The following MAN2B1 variants were observed in gnomAD, a reference collection of about 807,000 sequenced individuals.
MAN2B1 encodes lysosomal alpha-mannosidase.
A neutral mutation model predicts 127.5 loss-of-function variants in MAN2B1; 99 were observed. That is an observed-to-expected ratio of 0.78 (90% CI 0.66 to 0.92). The LOEUF (loss-of-function observed/expected upper bound fraction) is 0.92, where lower values mean the gene tolerates loss of function less well. MAN2B1 is among the 40% of genes least tolerant of loss of function. The pLI, the probability that MAN2B1 is intolerant of heterozygous loss-of-function variation, is 0.00. For missense variants in MAN2B1, 1,304 were observed against 1,384.8 expected (o/e 0.94, Z 0.93); for synonymous variants, 573 against 568.8 (o/e 1.01, Z -0.11).
intron 4 of MAN2B1, among the ~76,000 whole-genome samples, chr19:12,664,539 G>A (rs2024181097): frequency 6.6e-6 from 1 of 152,182 alleles, no homozygotes; most frequent in Non-Finnish European, 1.5e-5. Flanking sequence ...GGTGGGGCCA[G>A]AACACCAAGA....
chr19:12,655,407 G>A (rs535209695), intron 14 of MAN2B1, among the ~76,000 whole-genome samples: 2 of 152,170 alleles, frequency 1.3e-5, no homozygotes, highest in South Asian at 2.1e-4. Flanking sequence ...CACCTTTATC[G>A]GGAACACCTT....
chr19:12,663,826 C>G lies in MAN2B1; in HGVS notation c.640G>C (p.Asp214His), dbSNP rs777610043. Reference protein sequence around the residue: ...QASLFAQMGFDGFFFGRLDYQ... With the variant: ...QASLFAQMGFHGFFFGRLDYQ... Reference sequence around the variant, plus strand: ...TCAAGGCGCCCAAAGAAGAAGCCGTCGAAGCCCATCTGGGGATGAGGGAGG... The same window carrying G: ...TCAAGGCGCCCAAAGAAGAAGCCGTGGAAGCCCATCTGGGGATGAGGGAGG... The change falls in exon 5 of 24, where the codon GAC becomes CAC. Residue 214 changes from aspartate (D) to histidine (H), a missense_variant. Physicochemically the swap from Asp to His is moderately conservative, Grantham distance 81 (BLOSUM62 -1). Coordinates refer to ENST00000456935, the MANE Select transcript of MAN2B1 (RefSeq NM_000528.4). 2 of 1,614,054 alleles carry G rather than the reference C, an allele frequency of 1.2e-6. No homozygotes were observed. Among genetic ancestry groups the G allele is most frequent in the African/African-American group, 2.7e-5 (2 of 74,926 alleles).
intron 16 of MAN2B1, among the ~76,000 whole-genome samples, chr19:12,650,516 A>G (rs1291710317): frequency 2.1e-5 from 3 of 144,402 alleles, no homozygotes; most frequent in African/African-American, 5.2e-5. Flanking sequence ...CCGCCACCAC[A>G]CCCGGCTAAT....
intron 3 of MAN2B1, 128 bp downstream of exon 3, chr19:12,665,224 G>C (rs878936648): frequency 1.6e-6 from 2 of 1,245,602 alleles, no homozygotes; most frequent in South Asian, 2.4e-5. Flanking sequence ...CAAATGGAGA[G>C]TCCAGGCAGG....
At chr19:12,649,577 C>T (rs1276005569) in intron 18 of MAN2B1, 149 bp from the exon 19 acceptor site, 1 of 639,746 alleles carries the variant, frequency 1.6e-6, no homozygotes, top group Non-Finnish European at 2.7e-6. Context: ...CGCCTCCCGG[C>T]TTCACGCCAT....
chr19:12,660,574 A>G (rs989731188), intron 7 of MAN2B1, among the ~76,000 whole-genome samples: 6 of 152,156 alleles, frequency 3.9e-5, no homozygotes, highest in Non-Finnish European at 7.4e-5. Context: ...TGATTACAGA[A>G]ACAGGGTCAG....
chr19:12,656,526 TG>T, intron 13 of MAN2B1, 44 bp downstream of exon 13: 1 of 1,409,206 alleles, frequency 7.1e-7, no homozygotes, highest in Non-Finnish European at 1.0e-6. Context: ...AAATGCCCAC[TG>T]GGGGAGGAGT....
At position 12,647,100 on chromosome 19, in the gene MAN2B1, TG is replaced by T; in HGVS notation, c.2923+132del. 3 of 835,420 alleles carry T rather than the reference TG, an allele frequency of 3.6e-6. No individual in the cohort carries two copies. Among genetic ancestry groups the T allele is most frequent in the Non-Finnish European group, 4.0e-6 (2 of 496,526 alleles). 51.8% of individuals were successfully genotyped at this position (835,420 alleles called of 1,614,324 possible). ...TTTCAGATCCTTTAAGCCCCTAACC[TG>T]GGTCTGGACTCTGCCCCATACCCTC... On this transcript the variant is annotated intron_variant, in intron 23 of 23. Transcript: ENST00000456935. The surrounding 1 kb of genome is among the most constrained non-coding windows in gnomAD (Gnocchi z 4.9).
At chr19:12,648,075 G>A in intron 21 of MAN2B1, 100 bp downstream of exon 21, 1 of 1,260,034 alleles carries the variant, frequency 7.9e-7, no homozygotes, top group Non-Finnish European at 1.1e-6. Context: ...GCTAATTATG[G>A]CCAAATGGAT....
chr19:12,656,159 A>T, intron 13 of MAN2B1: 1 of 431,250 alleles, frequency 2.3e-6, no homozygotes, highest in East Asian at 4.2e-5. Context: ...GGGGAGGAAG[A>T]GGTTTGGGGG....
Position 12,649,959 on chromosome 19 carries a change from C to T in MAN2B1, c.2221G>A (p.Gly741Arg), listed in dbSNP as rs61234887. ...SRFDTPLETK[G>R]RFYTDSNGRE... is the part of the protein sequence containing the mutation. ...CCATTGCTGTCTGTGTAGAAGCGTC[C>T]CTTTGTCTCCAGCGGTGTGTCAAAA... Residue 741 changes from glycine to arginine, a missense_variant, in exon 18 of 24, where the codon GGA (glycine) becomes AGA (arginine). Transcript: ENST00000456935. The T allele has an allele frequency of 3.2e-3, 5,154 of 1,613,858 alleles. 140 individuals are homozygous for T. The African/African-American group carries it at 0.058, about 18-fold the overall frequency.
At chr19:12,661,215 C>A in intron 7 of MAN2B1, 45 bp downstream of exon 7, 1 of 1,380,006 alleles carries the variant, frequency 7.2e-7, no homozygotes, top group East Asian at 2.3e-5. Flanking sequence ...CCCCCGGATG[C>A]AAGCGCACAT....
Position 12,657,434 on chromosome 19 carries a change from C to T in MAN2B1, c.1419+12G>A, listed in dbSNP as rs755497429. The T allele has an allele frequency of 1.8e-5, 28 of 1,546,644 alleles. No homozygotes were observed. In the East Asian group the frequency reaches 6.8e-4, roughly 38 times the overall value. On this transcript the variant is annotated intron_variant, in intron 11 of 23. Transcript: ENST00000456935. ...CTCCACCCCCGTGTCTCCCAAGTCTCGCCCCGCGCACCTCGCAAGGCCCCC... is the reference window on the plus strand; with the variant it reads ...CTCCACCCCCGTGTCTCCCAAGTCTTGCCCCGCGCACCTCGCAAGGCCCCC...
chr19:12,656,593 T>C lies in MAN2B1; in HGVS notation c.1622A>G (p.Asn541Ser), dbSNP rs564296108. ...SEGVFVVKDPNGRTVPSDVVI... is the reference protein window; with the variant it reads ...SEGVFVVKDPSGRTVPSDVVI... ...CACATCGCTGGGCACTGTCCTGCCA[T>C]TGGGGTCCTTCACAACGAAAACGCC... Residue 541 changes from asparagine to serine, a missense_variant, in exon 13 of 24, where the codon AAT becomes AGT. Asn to Ser is a conservative substitution (Grantham distance 46, BLOSUM62 1). Coordinates refer to ENST00000456935, the MANE Select transcript of MAN2B1 (RefSeq NM_000528.4). The C allele has an allele frequency of 1.4e-5, 22 of 1,613,538 alleles. No homozygotes were observed. In the African/African-American group the frequency reaches 1.5e-4, roughly 11 times the overall value.
Position 12,663,857 on chromosome 19 carries a change from G to T in MAN2B1, c.631-22C>A, listed in dbSNP as rs1277699485. The T allele has an allele frequency of 5.9e-5, 96 of 1,613,918 alleles. No individual in the cohort carries two copies. The Admixed American group carries it at 1.6e-3, about 27-fold the overall frequency. ...CCATCTGGGGATGAGGGAGGAAAAG[G>T]CAGTGTGAATTAGTGCCCAGCCCTC... On this transcript the variant is annotated intron_variant, in intron 4 of 23. Transcript: ENST00000456935.
In MAN2B1 at chr19:12,656,675, C is replaced by T. The variant is rs759767616; in HGVS notation, c.1540G>A (p.Val514Ile). 64 of 1,612,790 alleles carry T rather than the reference C, an allele frequency of 4.0e-5. No individual in the cohort carries two copies. Among genetic ancestry groups the T allele is most frequent in the African/African-American group, 6.7e-5 (5 of 74,868 alleles). ...ACCTTCCGCCCCAGGGGATTATAAACGATGACCTGGAACTGGGGAGGCGGG... is the reference window on the plus strand; with the variant it reads ...ACCTTCCGCCCCAGGGGATTATAAATGATGACCTGGAACTGGGGAGGCGGG... ...SQTAARFQVI[V>I]YNPLGRKVNW... Residue 514 changes from valine to isoleucine, a missense_variant, in exon 13 of 24, where the codon GTT becomes ATT. By Grantham distance (29) the Val-to-Ile change is conservative (BLOSUM62 3). Coordinates refer to ENST00000456935, the MANE Select transcript of MAN2B1 (RefSeq NM_000528.4).
chr19:12,653,150 T>G (rs576809674), intron 14 of MAN2B1, among the ~76,000 whole-genome samples: 5 of 149,858 alleles, frequency 3.3e-5, no homozygotes, highest in South Asian at 2.1e-4. Context: ...TTTTGTTTTT[T>G]TTTTTTTTTT....
At chr19:12,661,879 C>G (rs1026583349) in intron 6 of MAN2B1, among the ~76,000 whole-genome samples, 9 of 151,542 alleles carry the variant, frequency 5.9e-5, no homozygotes, top group African/African-American at 2.2e-4. Flanking sequence ...GAGTTTCACT[C>G]TGCTGCCCAA....
rs146331898 is a variant in MAN2B1 at position 12,664,948 on chromosome 19, G to A, written c.474C>T (p.Asn158=). ...LEFANGGWVM[N]DEAATHYGAI... is the part of the protein sequence containing the mutation. ...CACCGTAGTGGGTGGCTGCCTCATC[G>A]TTCATCACCCAGCCACCATTGGCGA... The change falls in exon 4 of 24, where the codon AAC becomes AAT. Residue 158 remains asparagine (N), a synonymous_variant. Coordinates refer to ENST00000456935, the MANE Select transcript of MAN2B1 (RefSeq NM_000528.4). 1.9e-4 allele frequency: 300 copies of A among 1,613,936 alleles called. No individual in the cohort carries two copies. Among genetic ancestry groups the A allele is most frequent in the Non-Finnish European group, 2.4e-4 (280 of 1,180,034 alleles).
Sources: allele counts gnomAD v4.1 joint callset (sites outside exome capture counted in the v4.1 genomes callset), GRCh38; gene constraint gnomAD v4.1.1; non-coding constraint Gnocchi (gnomAD v3.1); transcripts MANE v1.5; gene names NCBI Gene and HGNC (gene_info 2026-07-23, HGNC 2026-07-21).